SOD2: variants seen among roughly 807,000 people sequenced by gnomAD.
SOD2 encodes the protein superoxide dismutase [Mn], mitochondrial.
In SOD2, 11 loss-of-function variants were observed where a neutral mutation model predicts 27.0. The ratio of observed to expected loss-of-function variants is 0.41; its 90% CI spans 0.26 to 0.67. The LOEUF (loss-of-function observed/expected upper bound fraction) is 0.67, where lower values mean the gene tolerates loss of function less well. SOD2 is among the 30% of genes least tolerant of loss of function. The pLI, the probability that SOD2 is intolerant of heterozygous loss-of-function variation, is 0.34. For synonymous variants in SOD2, 105 were observed against 103.0 expected, an observed-to-expected ratio of 1.02 and a Z score of -0.12; for missense variants, 250 against 274.5, an observed-to-expected ratio of 0.91 and a Z score of 0.63.
chr6:159,709,182 A>G (rs968741520), intron 1 of SOD2, among the ~76,000 whole-genome samples: 6 of 152,200 alleles, frequency 3.9e-5, no homozygotes, highest in Non-Finnish European at 8.8e-5. Context: ...AACCTAAGCA[A>G]TACCATTCAG....
intron 1 of SOD2, chr6:159,726,658 G>A (rs1347923275): frequency 4.3e-6 from 3 of 704,532 alleles, no homozygotes; most frequent in Non-Finnish European, 6.1e-6. Context: ...AACCTCACAG[G>A]GCCGCCTTCC....
chr6:159,705,485 A>C (rs1275818112), intron 1 of SOD2, among the ~76,000 whole-genome samples: 1 of 152,276 alleles, frequency 6.6e-6, no homozygotes, highest in East Asian at 1.9e-4. Flanking sequence ...CACAAGCTTC[A>C]GTAGCCGATT....
chr6:159,755,765 C>T (rs200478998), intron 1 of SOD2: 8,630 of 172,240 alleles, frequency 0.05, 11 homozygotes, highest in Admixed American at 0.2. Flanking sequence ...TTTTTCTTTT[C>T]TTTTTTTTTT....
chr6:159,751,401 A>G (rs1013518635), intron 1 of SOD2, among the ~76,000 whole-genome samples: 6 of 152,240 alleles, frequency 3.9e-5, no homozygotes, highest in Non-Finnish European at 8.8e-5. Context: ...GTAAACACCA[A>G]TGAAATATAT....
intron 1 of SOD2, chr6:159,753,418 GT>G: frequency 6.2e-7 from 1 of 1,613,870 alleles, no homozygotes; most frequent in Non-Finnish European, 8.5e-7. Flanking sequence ...AAGACAGAGA[GT>G]TTTGTCTTCA....
Position 159,675,009 on chromosome 6 carries a change from A to T in SOD2, c.*7484T>A, listed in dbSNP as rs1008607793. On this transcript the variant is annotated 3_prime_UTR_variant, in exon 5 of 5. Coordinates refer to ENST00000538183, the MANE Select transcript of SOD2 (RefSeq NM_000636.4). ...ACTCCCATTCACAACTGCCTCAAAG[A>T]GAATAAAATACCTAGGAATCCAACT... The T allele has an allele frequency of 1.3e-5, 2 of 152,184 alleles. No homozygotes were observed. The highest frequency in any genetic ancestry group is 4.8e-5 in the African/African-American group (2 of 41,448). The allele number at this position is 152,184 out of a possible 1,614,324, so 9.4% of individuals were successfully genotyped here. A position where few individuals can be genotyped will look rare whatever the true frequency, so the allele number is the denominator to read the frequency against.
At chr6:159,715,356 A>G (rs1473713068) in intron 1 of SOD2, among the ~76,000 whole-genome samples, 2 of 152,078 alleles carry the variant, frequency 1.3e-5, no homozygotes, top group African/African-American at 4.8e-5. Context: ...CAACAGTAGA[A>G]CCATTGCTTA....
upstream of SOD2, among the ~76,000 whole-genome samples, chr6:159,728,506 T>C (rs1350739495): frequency 6.6e-6 from 1 of 152,254 alleles, no homozygotes; most frequent in Non-Finnish European, 1.5e-5. Context: ...TTTGTGCCTA[T>C]TTTATCTAGT....
chr6:159,695,407 C>G (rs1777403494), upstream of SOD2, among the ~76,000 whole-genome samples: 1 of 152,196 alleles, frequency 6.6e-6, no homozygotes, highest in African/African-American at 2.4e-5. Flanking sequence ...CACCTGTCAT[C>G]AGCTACATCA....
At chr6:159,742,105 C>T (rs1779292576) in intron 1 of SOD2, 1 of 1,605,634 alleles carries the variant, frequency 6.2e-7, no homozygotes, top group Non-Finnish European at 8.5e-7. Flanking sequence ...CAATATGAAG[C>T]ATATGTACAA....
chr6:159,741,788 G>A (rs1779270666), intron 1 of SOD2: 4 of 221,976 alleles, frequency 1.8e-5, no homozygotes, highest in South Asian at 1.8e-4. Context: ...GGGAGTTCAA[G>A]ACCAGCCTGG....
upstream of SOD2, among the ~76,000 whole-genome samples, chr6:159,731,504 T>C (rs939006368): frequency 1.2e-4 from 18 of 152,086 alleles, no homozygotes; most frequent in African/African-American, 4.3e-4. Context: ...TTAAGTAACT[T>C]CTGTTTAGAA....
At chr6:159,713,881 T>C in intron 1 of SOD2, 2 of 1,003,536 alleles carry the variant, frequency 2.0e-6, no homozygotes, top group Non-Finnish European at 1.5e-6. Flanking sequence ...ATGTGCCATT[T>C]TGTATTTTGC....
chr6:159,689,764 G>A (rs539205486), intron 2 of SOD2, among the ~76,000 whole-genome samples: 2 of 150,720 alleles, frequency 1.3e-5, no homozygotes, highest in Non-Finnish European at 3.0e-5. Flanking sequence ...TTTCAAGACC[G>A]GCCTGGCCAA....
rs754840046 is a variant in SOD2 at position 159,688,122 on chromosome 6, C to G, written c.343+4G>C. ...TAGATAAGGGTGCACCAATATATAC[C>G]AACCTTTGGGTTCTCCACCACCGTT... On this transcript the variant is annotated splice_donor_region_variant and intron_variant, in intron 3 of 4. Transcript: ENST00000538183. 1 of 1,538,964 alleles carries G rather than the reference C, an allele frequency of 6.5e-7. No individual in the cohort carries two copies. Among genetic ancestry groups the G allele is most frequent in the South Asian group, 1.1e-5 (1 of 89,546 alleles).
intron 1 of SOD2, among the ~76,000 whole-genome samples, chr6:159,732,884 A>AGTGTGTGTGTGTGTGTGTGTG: frequency 1.2e-5 from 1 of 83,418 alleles, no homozygotes; most frequent in Non-Finnish European, 2.2e-5. Context: ...GTATATATAT[A>AGTGTGTGTGTGTGTGTGTGTG]TAGTGTGTGT....
chr6:159,735,672 C>T (rs1466296618), intron 1 of SOD2, among the ~76,000 whole-genome samples: 1 of 152,044 alleles, frequency 6.6e-6, no homozygotes, highest in African/African-American at 2.4e-5. Context: ...TTGCTTGAAC[C>T]CTGGAGGCGG....
chr6:159,704,621 A>T (rs1391770169), intron 1 of SOD2, among the ~76,000 whole-genome samples: 2 of 152,214 alleles, frequency 1.3e-5, no homozygotes, highest in Non-Finnish European at 2.9e-5. Context: ...TAAACAAAGC[A>T]GCCAGGAAGC....
At chr6:159,729,032 A>G (rs1294490449), upstream of SOD2, among the ~76,000 whole-genome samples, 1 of 152,156 alleles carries the variant, frequency 6.6e-6, no homozygotes, top group Non-Finnish European at 1.5e-5. Flanking sequence ...TGCTGAAAAT[A>G]TTTTTGTGTA....
Sources: gnomAD v4.1 joint callset for allele counts (sites outside exome capture counted in the v4.1 genomes callset) on GRCh38, gnomAD v4.1.1 for gene constraint, MANE v1.5 for transcripts, NCBI Gene and HGNC (gene_info 2026-07-23, HGNC 2026-07-21) for gene names.